Variants in LINGO2 observed in about 807,000 individuals in gnomAD.
LINGO2 encodes the protein leucine rich repeat and Ig domain containing 2, also known as leucine-rich repeat and immunoglobulin-like domain-containing nogo receptor-interacting protein 2.
In LINGO2, 14 loss-of-function variants were observed where a neutral mutation model predicts 30.6. That is an observed-to-expected ratio of 0.46 (90% CI 0.30 to 0.72). The LOEUF (loss-of-function observed/expected upper bound fraction) is 0.72, where lower values mean the gene tolerates loss of function less well. LINGO2 is among the 30% of genes least tolerant of loss of function. The pLI is 0.07. For missense variants in LINGO2, 729 were observed against 751.7 expected, an observed-to-expected ratio of 0.97 and a Z score of 0.35; for synonymous variants, 317 against 288.5, an observed-to-expected ratio of 1.10 and a Z score of -1.00.
At chr9:28,357,269 C>G (rs185337816) in intron 3 of LINGO2, among the ~76,000 whole-genome samples, 1 of 149,450 alleles carries the variant, frequency 6.7e-6, no homozygotes, top group Non-Finnish European at 1.5e-5. Flanking sequence ...AAAATACAAC[C>G]TTTTATTAGT....
rs996666850 is a variant in LINGO2 at position 28,443,755 on chromosome 9, C to T, written c.-279+32185G>A. Among the ~76,000 whole-genome samples the T allele has an allele frequency of 5.4e-4, 82 of 152,236 alleles. 1 individual carries two copies. The highest frequency in any genetic ancestry group is 1.6e-3 in the African/African-American group (68 of 41,564). ...GGGTGACTCAGTGTGGGCCTGTGGG[C>T]GGCCCTCAGCATGGACAGCCTGAGC... On this transcript the variant is annotated intron_variant, in intron 2 of 5. Coordinates refer to ENST00000379992, the Ensembl canonical transcript of LINGO2.
chr9:28,041,137 CAA>C (rs1045117664), intron 4 of LINGO2, among the ~76,000 whole-genome samples: 38 of 150,958 alleles, frequency 2.5e-4, no homozygotes, highest in African/African-American at 9.2e-4. Flanking sequence ...AATGTTCCCT[CAA>C]AAGAGATCCA....
intron 2 of LINGO2, among the ~76,000 whole-genome samples, chr9:28,404,454 T>C (rs552809412): frequency 1.3e-5 from 2 of 152,260 alleles, no homozygotes; most frequent in East Asian, 3.9e-4. Context: ...ATAGATGTTA[T>C]TTACTCTAAA....
chr9:29,209,745 A>C, the LINGO2 span, among the ~76,000 whole-genome samples: 2 of 152,200 alleles, frequency 1.3e-5, no homozygotes, highest in Admixed American at 1.3e-4. Context: ...CCTAAACCAT[A>C]AAGGGAAGAG....
intron 1 of LINGO2, among the ~76,000 whole-genome samples, chr9:28,488,334 G>A (rs1226493403): frequency 6.6e-6 from 1 of 152,094 alleles, no homozygotes; most frequent in Non-Finnish European, 1.5e-5. Context: ...ACTGAATACT[G>A]TAGCAAAGAA....
chr9:28,333,293 C>T (rs1825485137), intron 3 of LINGO2, among the ~76,000 whole-genome samples: 1 of 152,142 alleles, frequency 6.6e-6, no homozygotes, highest in Admixed American at 6.5e-5. Context: ...TCTACAGTTG[C>T]TGTAAAGCTT....
chr9:28,060,315 G>A (rs984614481), intron 4 of LINGO2, among the ~76,000 whole-genome samples: 1 of 151,316 alleles, frequency 6.6e-6, no homozygotes, highest in Non-Finnish European at 1.5e-5. Context: ...TGATTTCATT[G>A]TAATTACGAT....
the LINGO2 span, among the ~76,000 whole-genome samples, chr9:28,971,123 G>A: frequency 2.0e-5 from 3 of 152,092 alleles, no homozygotes; most frequent in African/African-American, 7.2e-5. Flanking sequence ...ATTTCCAGAC[G>A]CACCCTGGGC....
At chr9:29,161,420 C>T in the LINGO2 span, among the ~76,000 whole-genome samples, 1 of 152,198 alleles carries the variant, frequency 6.6e-6, no homozygotes, top group Non-Finnish European at 1.5e-5. Context: ...CTGACATAAG[C>T]TTATTAACTT....
chr9:28,758,116 C>A, the LINGO2 span, among the ~76,000 whole-genome samples: 1 of 151,966 alleles, frequency 6.6e-6, no homozygotes, highest in Non-Finnish European at 1.5e-5. Flanking sequence ...GTTGTATAGT[C>A]CAAATTTCCA....
intron 3 of LINGO2, among the ~76,000 whole-genome samples, chr9:28,348,851 G>A (rs551113098): frequency 3.2e-4 from 48 of 152,172 alleles, no homozygotes; most frequent in East Asian, 5.8e-4. Context: ...CCTGAACCCC[G>A]GGCAGCCTAA....
intron 2 of LINGO2, among the ~76,000 whole-genome samples, chr9:28,402,725 G>T (rs1023750321): frequency 6.6e-6 from 1 of 151,882 alleles, no homozygotes; most frequent in African/African-American, 2.4e-5. Context: ...GACATGACAT[G>T]CACACAATGA....
intron 5 of LINGO2, among the ~76,000 whole-genome samples, chr9:27,968,875 T>C (rs1489387106): frequency 6.6e-6 from 1 of 151,604 alleles, no homozygotes; most frequent in African/African-American, 2.4e-5. Context: ...TATAATTGTA[T>C]ATAAAATTAT....
At chr9:28,433,000 T>TA (rs755011739) in intron 2 of LINGO2, among the ~76,000 whole-genome samples, 14 of 152,010 alleles carry the variant, frequency 9.2e-5, no homozygotes, top group Admixed American at 7.2e-4. Context: ...GAATATGCAT[T>TA]AAAAAAATCC....
chr9:28,752,759 G>C, the LINGO2 span, among the ~76,000 whole-genome samples: 1 of 151,952 alleles, frequency 6.6e-6, no homozygotes, highest in Non-Finnish European at 1.5e-5. Context: ...TAAACATAAA[G>C]CACCAAAGAT....
At chr9:27,962,229 A>G (rs181486492) in intron 5 of LINGO2, among the ~76,000 whole-genome samples, 48 of 152,012 alleles carry the variant, frequency 3.2e-4, no homozygotes, top group African/African-American at 1.1e-3. Context: ...ACTGGAGAGT[A>G]CTGTCTTATT....
chr9:29,081,158 A>C, the LINGO2 span, among the ~76,000 whole-genome samples: 3 of 152,142 alleles, frequency 2.0e-5, no homozygotes, highest in Non-Finnish European at 4.4e-5. Flanking sequence ...CCTGATGAAC[A>C]TCGATGCAAA....
At chr9:28,227,653 G>T (rs560564224) in intron 4 of LINGO2, among the ~76,000 whole-genome samples, 18 of 151,502 alleles carry the variant, frequency 1.2e-4, no homozygotes, top group Middle Eastern at 3.2e-3. Flanking sequence ...AGTATAAAAT[G>T]ACTCCTAAAA....
intron 3 of LINGO2, among the ~76,000 whole-genome samples, chr9:28,364,581 C>A (rs1587546500): frequency 6.6e-6 from 1 of 152,290 alleles, no homozygotes; most frequent in East Asian, 1.9e-4. Context: ...ATCACACTGA[C>A]TGCTTGGTTT....
Sources: gnomAD v4.1 joint callset for allele counts (sites outside exome capture counted in the v4.1 genomes callset) on GRCh38, gnomAD v4.1.1 for gene constraint, MANE v1.5 for transcripts, NCBI Gene and HGNC (gene_info 2026-07-23, HGNC 2026-07-21) for gene names.